The following PDE10A variants were observed in gnomAD, a reference collection of about 807,000 sequenced individuals.
PDE10A encodes the protein phosphodiesterase 10A.
In PDE10A, 39 loss-of-function variants were observed where a neutral mutation model predicts 97.7. The observed-to-expected ratio is 0.40, with a 90% CI of 0.31 to 0.52. The LOEUF (loss-of-function observed/expected upper bound fraction) is 0.52. PDE10A is among the 20% of genes least tolerant of loss of function. PDE10A has a pLI of 0.56. For synonymous variants in PDE10A, 371 were observed against 376.8 expected (o/e 0.98, Z 0.18); for missense variants, 731 against 1,047.8 (o/e 0.70, Z 4.17).
At chr6:165,729,581 T>A (rs1043386451) in intron 1 of PDE10A, among the ~76,000 whole-genome samples, 3 of 152,206 alleles carry the variant, frequency 2.0e-5, no homozygotes, top group Non-Finnish European at 2.9e-5. Context: ...GGATCCACAG[T>A]TCTGGTGGAT....
chr6:165,619,399 G>GTAGTCTAGTGTAGTC (rs1562634698), intron 1 of PDE10A, among the ~76,000 whole-genome samples: 7 of 55,756 alleles, frequency 1.3e-4, no homozygotes, highest in South Asian at 5.1e-4. Flanking sequence ...ATAGTGTAGT[G>GTAGTCTAGTGTAGTC]TAGTGTAGTC....
Position 165,330,898 on chromosome 6 carries a change from T to A in PDE10A, c.*2127A>T, listed in dbSNP as rs1781302519. 6.6e-6 allele frequency: 1 copy of A among 152,196 alleles called. No individual in the cohort carries two copies. Among genetic ancestry groups the A allele is most frequent in the South Asian group, 2.1e-4 (1 of 4,832 alleles). 9.4% of individuals were successfully genotyped at this position (152,196 alleles called of 1,614,324 possible). Reference sequence around the variant, plus strand: ...AAGCTGTGTTTGGTAGACTCCAGCTTCATAAATTTGTATGCAGAAAAATAT... The same window carrying A: ...AAGCTGTGTTTGGTAGACTCCAGCTACATAAATTTGTATGCAGAAAAATAT... On this transcript the variant is annotated 3_prime_UTR_variant, in exon 22 of 22. Transcript: ENST00000539869.
intron 1 of PDE10A, among the ~76,000 whole-genome samples, chr6:165,932,754 G>A (rs1272343663): frequency 1.3e-5 from 2 of 152,262 alleles, no homozygotes; most frequent in Non-Finnish European, 2.9e-5. Flanking sequence ...TTACAGGCAT[G>A]AGCCACCACA....
chr6:165,804,685 C>G (rs1377752526), intron 1 of PDE10A, among the ~76,000 whole-genome samples: 1 of 151,736 alleles, frequency 6.6e-6, no homozygotes, highest in South Asian at 2.1e-4. Context: ...CGCGTGGTCG[C>G]GAAGGGGAAG....
intron 1 of PDE10A, among the ~76,000 whole-genome samples, chr6:165,824,194 C>G (rs969256889): frequency 7.9e-5 from 12 of 152,192 alleles, no homozygotes; most frequent in African/African-American, 2.9e-4. Context: ...TAAATCACAG[C>G]TGTCTTCACC....
At chr6:165,583,688 G>T (rs548777623) in intron 1 of PDE10A, among the ~76,000 whole-genome samples, 1 of 152,294 alleles carries the variant, frequency 6.6e-6, no homozygotes, top group South Asian at 2.1e-4. Flanking sequence ...AGTCTCAGCA[G>T]CAGGTAGGTG....
intron 2 of PDE10A, among the ~76,000 whole-genome samples, chr6:165,534,929 G>C (rs1003206358): frequency 6.6e-6 from 1 of 151,948 alleles, no homozygotes; most frequent in Non-Finnish European, 1.5e-5. Flanking sequence ...TATAGTACTG[G>C]AAGTCCCAGC....
chr6:165,953,266 TA>T (rs772019089), intron 1 of PDE10A, among the ~76,000 whole-genome samples: 5 of 152,154 alleles, frequency 3.3e-5, no homozygotes, highest in Admixed American at 6.5e-5. Context: ...CCAAAAGAAA[TA>T]AAAGAAATTT....
chr6:165,444,494 C>T (rs924371971), intron 5 of PDE10A, among the ~76,000 whole-genome samples: 2 of 151,808 alleles, frequency 1.3e-5, no homozygotes, highest in East Asian at 1.9e-4. Context: ...TTTTTCTGTC[C>T]ATTTTCTCCA....
intron 1 of PDE10A, among the ~76,000 whole-genome samples, chr6:165,754,743 A>G (rs1201176326): frequency 5.9e-5 from 9 of 152,166 alleles, no homozygotes; most frequent in Admixed American, 4.6e-4. Context: ...CAGTCCTCTC[A>G]TCTATAAAAT....
intron 1 of PDE10A, among the ~76,000 whole-genome samples, chr6:165,917,112 G>A (rs1782627255): frequency 6.6e-6 from 1 of 152,088 alleles, no homozygotes; most frequent in African/African-American, 2.4e-5. Context: ...TCCTTCCACG[G>A]TGGCAACAGG....
Position 165,544,851 on chromosome 6 carries a change from A to C in PDE10A, c.866-1283T>G, listed in dbSNP as rs533228436. Among the ~76,000 whole-genome samples the C allele has an allele frequency of 4.9e-3, 750 of 152,126 alleles. 8 individuals are homozygous for C. Among genetic ancestry groups the C allele is most frequent in the African/African-American group, 0.017 (723 of 41,518 alleles). On this transcript the variant is annotated intron_variant, in intron 1 of 21. Coordinates refer to ENST00000539869, the MANE Select transcript of PDE10A (RefSeq NM_001385079.1). ...CACACACACACACACATATACACACACAAATAGAGTTGTATAAGACAAATG... is the reference window on the plus strand; with the variant it reads ...CACACACACACACACATATACACACCCAAATAGAGTTGTATAAGACAAATG...
chr6:165,735,754 T>C (rs1256293975), intron 1 of PDE10A, among the ~76,000 whole-genome samples: 2 of 152,184 alleles, frequency 1.3e-5, no homozygotes, highest in Non-Finnish European at 2.9e-5. Flanking sequence ...TCATTCTGTT[T>C]AAATATCTTC....
intron 1 of PDE10A, among the ~76,000 whole-genome samples, chr6:165,814,508 T>C (rs1779359198): frequency 6.6e-6 from 1 of 152,238 alleles, no homozygotes; most frequent in Admixed American, 6.5e-5. Flanking sequence ...TCATTTACTT[T>C]TGATAAATTA....
intron 1 of PDE10A, among the ~76,000 whole-genome samples, chr6:165,913,729 T>G (rs941546639): frequency 2.0e-5 from 3 of 152,160 alleles, no homozygotes; most frequent in Non-Finnish European, 4.4e-5. Context: ...CATGATTCTG[T>G]AACCTGTGGG....
chr6:165,521,010 C>G (rs1782097130), intron 2 of PDE10A, among the ~76,000 whole-genome samples: 1 of 152,086 alleles, frequency 6.6e-6, no homozygotes, highest in Non-Finnish European at 1.5e-5. Context: ...TTGTGGCACC[C>G]CAGCAGCAAG....
rs560691543 is a variant in PDE10A, at chr6:165,655,863, C to T, written c.865+6084G>A. Among the ~76,000 whole-genome samples the T allele has an allele frequency of 6.6e-6, 1 of 152,152 alleles. No individual in the cohort carries two copies. The highest frequency in any genetic ancestry group is 1.5e-5 in the Non-Finnish European group (1 of 67,998). On this transcript the variant is annotated intron_variant, in intron 1 of 21. Coordinates refer to ENST00000539869, the MANE Select transcript of PDE10A (RefSeq NM_001385079.1). This position sits in a 1 kb window ranked among gnomAD's most constrained non-coding sequence, Gnocchi z 4.5. ...GTGGGCTCAGCTCCAGCACGGCCGTCACCCCGCTCCTCTGCCTTGTGAGCC... is the reference window on the plus strand; with the variant it reads ...GTGGGCTCAGCTCCAGCACGGCCGTTACCCCGCTCCTCTGCCTTGTGAGCC...
At chr6:165,371,490 A>C (rs9459393) in intron 18 of PDE10A, among the ~76,000 whole-genome samples, 12,305 of 151,548 alleles carry the variant, frequency 0.081, 564 homozygotes, top group Middle Eastern at 0.2. Context: ...GAAATGGATA[A>C]ATTCCTCGAC....
intron 2 of PDE10A, among the ~76,000 whole-genome samples, chr6:165,514,614 G>A (rs1219302031): frequency 6.6e-6 from 1 of 152,196 alleles, no homozygotes. Context: ...TCACAGGCTA[G>A]TAGAGCCTGG....
Sources: gnomAD v4.1 joint callset for allele counts (sites outside exome capture counted in the v4.1 genomes callset) on GRCh38, gnomAD v4.1.1 for gene constraint, Gnocchi (gnomAD v3.1) non-coding constraint, MANE v1.5 for transcripts, NCBI Gene and HGNC (gene_info 2026-07-23, HGNC 2026-07-21) for gene names.